IP6K2: variants seen among roughly 807,000 people sequenced by gnomAD.
IP6K2 encodes inositol hexakisphosphate kinase 2, also known as ATP:1D-myo-inositol-hexakisphosphate phosphotransferase.
A neutral mutation model predicts 43.3 loss-of-function variants in IP6K2; 9 were observed. That is an observed-to-expected ratio of 0.21 (90% CI 0.13 to 0.36). The LOEUF is 0.36. IP6K2 is among the 10% of genes least tolerant of loss of function. IP6K2 has a pLI of 1.00. For missense variants in IP6K2, 332 were observed against 538.4 expected, an observed-to-expected ratio of 0.62 and a Z score of 3.79; for synonymous variants, 209 against 202.4, an observed-to-expected ratio of 1.03 and a Z score of -0.28.
intron 1 of IP6K2, chr3:48,715,633 C>A: frequency 1.6e-6 from 1 of 612,208 alleles, no homozygotes; most frequent in Non-Finnish European, 2.8e-6. Context: ...AAAAACAAAC[C>A]AAACAAACAA....
At position 48,693,049 on chromosome 3, in the gene IP6K2, T is replaced by C; in HGVS notation, c.333A>G (p.Leu111=). The C allele has an allele frequency of 6.2e-7, 1 of 1,614,242 alleles. No homozygotes were observed. Among genetic ancestry groups the C allele is most frequent in the Non-Finnish European group, 8.5e-7 (1 of 1,180,038 alleles). Residue 111 remains leucine, a synonymous_variant, in exon 3 of 6, where the codon CTA becomes CTG. Coordinates refer to ENST00000328631, the MANE Select transcript of IP6K2 (RefSeq NM_016291.4). ...GATGTTTTTTGTTTGTTGTCCACCT[T>C]AGGAGCTTACTTTTTGGTTCACAGT... is the stretch of plus-strand genomic sequence containing the variant. ...NSDCEPKSKL[L]RWTTNKKHHV... is the part of the protein sequence containing the mutation.
chr3:48,688,186 AC>A lies in IP6K2; in HGVS notation c.*86del. 9 of 1,480,734 alleles carry A rather than the reference AC, an allele frequency of 6.1e-6. No individual in the cohort carries two copies. The highest frequency in any genetic ancestry group is 8.4e-6 in the Non-Finnish European group (9 of 1,077,794). The allele number at this position is 1,480,734 out of a possible 1,614,324, so 91.7% of individuals were successfully genotyped here. On this transcript the variant is annotated 3_prime_UTR_variant, in exon 6 of 6. Transcript: ENST00000328631. The surrounding 1 kb of genome is among the most constrained non-coding windows in gnomAD (Gnocchi z 5.1). ...TCAGCTCCAGGCTGCAGGAGCCACC[AC>A]CTGGCCATACTGGCTTCCTCCCTGA... is the stretch of plus-strand genomic sequence containing the variant.
chr3:48,693,392 G>C (rs142591410), intron 2 of IP6K2: 15 of 1,198,420 alleles, frequency 1.3e-5, no homozygotes, highest in East Asian at 2.4e-5. Context: ...ACATGGCTGA[G>C]AGTCTTCCTC....
At chr3:48,694,112 C>T in intron 2 of IP6K2, 2 of 1,502,228 alleles carry the variant, frequency 1.3e-6, no homozygotes, top group African/African-American at 1.4e-5. Context: ...CTGAGGTGGC[C>T]CCCAGCTCTG....
intron 1 of IP6K2, among the ~76,000 whole-genome samples, chr3:48,715,706 C>G (rs987338049): frequency 8.0e-5 from 12 of 150,620 alleles, no homozygotes. Flanking sequence ...ATTTCTTTCT[C>G]TCTCTCTCTT....
At chr3:48,704,071 A>T (rs954777324) in intron 1 of IP6K2, among the ~76,000 whole-genome samples, 1 of 152,226 alleles carries the variant, frequency 6.6e-6, no homozygotes, top group African/African-American at 2.4e-5. Flanking sequence ...TAGCCTGGCA[A>T]CAGAGTGAGA....
intron 1 of IP6K2, among the ~76,000 whole-genome samples, chr3:48,709,833 T>C (rs2080275058): frequency 6.9e-6 from 1 of 145,812 alleles, no homozygotes; most frequent in Admixed American, 6.9e-5. Context: ...CGAGACTCCA[T>C]CTCAAAAAAA....
chr3:48,694,299 G>C, intron 2 of IP6K2: 1 of 1,551,166 alleles, frequency 6.4e-7, no homozygotes, highest in Non-Finnish European at 8.7e-7. Context: ...CATCCCCACC[G>C]CAATACACAT....
At chr3:48,706,158 G>A (rs2079754333) in intron 1 of IP6K2, among the ~76,000 whole-genome samples, 1 of 151,682 alleles carries the variant, frequency 6.6e-6, no homozygotes, top group Non-Finnish European at 1.5e-5. Flanking sequence ...AGTGAGCCGA[G>A]ACTACGCCAT....
chr3:48,704,965 G>A (rs1349465302), intron 1 of IP6K2, among the ~76,000 whole-genome samples: 12 of 150,380 alleles, frequency 8.0e-5, no homozygotes, highest in African/African-American at 2.9e-4. Flanking sequence ...TTTTTGAGAC[G>A]GAGTCTCACT....
chr3:48,693,257 G>T (rs1251453870), intron 2 of IP6K2, 78 bp from the exon 3 acceptor site: 9 of 1,349,828 alleles, frequency 6.7e-6, no homozygotes, highest in Non-Finnish European at 7.5e-6. Flanking sequence ...TGTAACATTT[G>T]TTTTTTTCTT....
intron 1 of IP6K2, chr3:48,711,257 C>A (rs2080480486): frequency 6.6e-6 from 1 of 152,194 alleles, no homozygotes; most frequent in South Asian, 2.1e-4. Flanking sequence ...CTGTCAGCTG[C>A]CAACTGGCAC....
At chr3:48,714,011 G>A (rs1328875419) in intron 1 of IP6K2, among the ~76,000 whole-genome samples, 1 of 151,740 alleles carries the variant, frequency 6.6e-6, no homozygotes, top group Non-Finnish European at 1.5e-5. Context: ...CAGCTACTAG[G>A]GAGGCTGAGG....
At chr3:48,690,489 G>A (rs1299230994) in intron 4 of IP6K2, among the ~76,000 whole-genome samples, 2 of 152,054 alleles carry the variant, frequency 1.3e-5, no homozygotes, top group Non-Finnish European at 2.9e-5. Context: ...GAGGGGAGGG[G>A]AGGGGCAGGG....
chr3:48,707,118 T>C (rs972319762), intron 1 of IP6K2, among the ~76,000 whole-genome samples: 9 of 152,206 alleles, frequency 5.9e-5, no homozygotes, highest in Admixed American at 1.3e-4. Flanking sequence ...GGTAAGATCA[T>C]GATTGCCCGC....
chr3:48,699,132 G>A (rs541864289), intron 1 of IP6K2, among the ~76,000 whole-genome samples: 1 of 152,202 alleles, frequency 6.6e-6, no homozygotes, highest in South Asian at 2.1e-4. Context: ...AGCTGGGGCC[G>A]GGCGTGGTGG....
chr3:48,694,256 A>G (rs1458514644), intron 2 of IP6K2: 2 of 1,551,598 alleles, frequency 1.3e-6, no homozygotes, highest in South Asian at 1.2e-5. Flanking sequence ...AAAAAACAAC[A>G]GAGAAGGACC....
At chr3:48,711,873 T>C (rs1053237232) in intron 1 of IP6K2, among the ~76,000 whole-genome samples, 1 of 152,100 alleles carries the variant, frequency 6.6e-6, no homozygotes. Flanking sequence ...ATGATGACTC[T>C]TCAGCACCAG....
At chr3:48,698,572 C>A (rs564311977) in intron 1 of IP6K2, among the ~76,000 whole-genome samples, 1 of 152,182 alleles carries the variant, frequency 6.6e-6, no homozygotes, top group Admixed American at 6.5e-5. Flanking sequence ...CAGGTTCAAG[C>A]GATTCTCGTG....
Sources: gnomAD v4.1 joint callset for allele counts (sites outside exome capture counted in the v4.1 genomes callset) on GRCh38, gnomAD v4.1.1 for gene constraint, Gnocchi (gnomAD v3.1) non-coding constraint, MANE v1.5 for transcripts, NCBI Gene and HGNC (gene_info 2026-07-23, HGNC 2026-07-21) for gene names.